Variants in TSPAN18 observed in about 807,000 individuals in gnomAD.
TSPAN18 encodes the protein tetraspanin 18.
Under a neutral mutation model 27.3 loss-of-function variants are expected in TSPAN18, and 14 were observed. The ratio of observed to expected loss-of-function variants is 0.51; its 90% CI spans 0.34 to 0.80. TSPAN18 has a LOEUF of 0.80. Among genes scored for constraint, TSPAN18 ranks in the 30% least tolerant of loss-of-function variants. TSPAN18 has a pLI of 0.01. For missense variants in TSPAN18, 268 were observed against 323.9 expected (o/e 0.83, Z 1.32); for synonymous variants, 143 against 136.5 (o/e 1.05, Z -0.33).
Position 44,890,284 on chromosome 11 carries a change from A to G in TSPAN18, c.-10-16123A>G, listed in dbSNP as rs867037370. Among the ~76,000 whole-genome samples, 3 of 152,206 alleles carry G rather than the reference A, an allele frequency of 2.0e-5. No individual in the cohort carries two copies. The East Asian group carries it at 5.8e-4, about 29-fold the overall frequency. ...GGGATTGGTGAACTTTGAGAAACAT[A>G]TTATAACTTCACTTTAACGTTTCAC... On this transcript the variant is annotated intron_variant, in intron 3 of 9. Transcript: ENST00000520358.
chr11:44,908,817 A>AAG (rs1168002530), intron 4 of TSPAN18, among the ~76,000 whole-genome samples: 2 of 117,754 alleles, frequency 1.7e-5, no homozygotes, highest in African/African-American at 6.9e-5. Flanking sequence ...GAAAGAAAGA[A>AAG]AGAAAGAAAG....
chr11:44,760,548 A>C (rs1855430614), intron 1 of TSPAN18, among the ~76,000 whole-genome samples: 1 of 152,222 alleles, frequency 6.6e-6, no homozygotes, highest in Non-Finnish European at 1.5e-5. Context: ...TTCAATTAAA[A>C]CAGTAACAGT....
In TSPAN18 at chr11:44,802,883, T is replaced by C. The variant is rs73450676; in HGVS notation, c.-153+38371T>C. ...ATTATTGTTGTTCAGAGTATTGCTC[T>C]GATTTTAACATTGAGCTGCTCTGAT... On this transcript the variant is annotated intron_variant, in intron 2 of 9. Transcript: ENST00000520358. Among the ~76,000 whole-genome samples the C allele has an allele frequency of 4.5e-3, 687 of 152,342 alleles. 3 individuals carry two copies. The highest frequency in any genetic ancestry group is 0.016 in the African/African-American group (653 of 41,578).
chr11:44,924,474 AC>A, intron 8 of TSPAN18, among the ~76,000 whole-genome samples: 1 of 151,736 alleles, frequency 6.6e-6, no homozygotes, highest in African/African-American at 2.4e-5. Flanking sequence ...GCCAGATACC[AC>A]TCTCCTGGGC....
chr11:44,925,029 CCTGGCCTGGG>C (rs1860299672), intron 8 of TSPAN18, among the ~76,000 whole-genome samples: 1 of 152,250 alleles, frequency 6.6e-6, no homozygotes, highest in Non-Finnish European at 1.5e-5. Context: ...CCTGGCCTGG[CCTGGCCTGGG>C]GTAGGAACCC....
chr11:44,741,902 C>G (rs1854945210), intron 1 of TSPAN18, among the ~76,000 whole-genome samples: 1 of 152,126 alleles, frequency 6.6e-6, no homozygotes, highest in Admixed American at 6.5e-5. Context: ...TCTCCTTCCT[C>G]TCCTCTCTCT....
At chr11:44,791,550 G>A (rs767630486) in intron 2 of TSPAN18, among the ~76,000 whole-genome samples, 3 of 152,112 alleles carry the variant, frequency 2.0e-5, no homozygotes, top group Admixed American at 6.5e-5. Flanking sequence ...CACCCACCCC[G>A]CCTCCTTCTC....
intron 4 of TSPAN18, among the ~76,000 whole-genome samples, chr11:44,906,829 C>T (rs1268809113): frequency 6.6e-6 from 1 of 152,198 alleles, no homozygotes; most frequent in Non-Finnish European, 1.5e-5. Flanking sequence ...GGGAGCCCCA[C>T]CCAACCTTAT....
chr11:44,888,772 C>G (rs1042099478), intron 3 of TSPAN18, among the ~76,000 whole-genome samples: 3 of 152,182 alleles, frequency 2.0e-5, no homozygotes, highest in African/African-American at 7.2e-5. Context: ...TGGCTCAGCT[C>G]CCTGTCCAGG....
intron 2 of TSPAN18, among the ~76,000 whole-genome samples, chr11:44,801,281 C>G (rs1211120585): frequency 6.6e-6 from 1 of 152,206 alleles, no homozygotes; most frequent in African/African-American, 2.4e-5. Context: ...TTCAGAAAGA[C>G]TTTTGCAGAA....
chr11:44,742,402 TTCCCTCCCTTCCTTCC>T (rs1036739854), intron 1 of TSPAN18, among the ~76,000 whole-genome samples: 13 of 148,262 alleles, frequency 8.8e-5, no homozygotes, highest in African/African-American at 3.3e-4. Flanking sequence ...TCTTCGTTCC[TTCCCTCCCTTCCTTCC>T]TCCCTCCCTT....
intron 1 of TSPAN18, among the ~76,000 whole-genome samples, chr11:44,732,170 A>G (rs1854677519): frequency 6.6e-6 from 1 of 152,180 alleles, no homozygotes; most frequent in South Asian, 2.1e-4. Context: ...AGCCTCTTCC[A>G]GCGGCTTGGG....
chr11:44,785,291 A>G (rs1856028600), intron 2 of TSPAN18, among the ~76,000 whole-genome samples: 1 of 152,092 alleles, frequency 6.6e-6, no homozygotes, highest in Admixed American at 6.5e-5. Flanking sequence ...CAGATTTTCC[A>G]TGTATTCCCT....
chr11:44,858,966 C>G (rs1416681457), intron 2 of TSPAN18, among the ~76,000 whole-genome samples: 1 of 152,156 alleles, frequency 6.6e-6, no homozygotes, highest in East Asian at 1.9e-4. Flanking sequence ...GGGAATGCAC[C>G]CTCCCCCCGC....
At chr11:44,834,555 A>C (rs1388784182) in intron 2 of TSPAN18, among the ~76,000 whole-genome samples, 1 of 152,138 alleles carries the variant, frequency 6.6e-6, no homozygotes, top group Admixed American at 6.5e-5. Flanking sequence ...GCATTTCCCC[A>C]GCACCCTTTC....
Position 44,906,373 on chromosome 11 carries a change from C to T in TSPAN18, c.-10-34C>T, listed in dbSNP as rs753041169. On this transcript the variant is annotated intron_variant, in intron 3 of 9. Transcript: ENST00000520358. Reference sequence around the variant, plus strand: ...GGGGTTCTTCCTGGGTGGGGTCCCCCATCGGGAAGACTGAGGTGGCCTTGT... The same window carrying T: ...GGGGTTCTTCCTGGGTGGGGTCCCCTATCGGGAAGACTGAGGTGGCCTTGT... The T allele has an allele frequency of 5.0e-6, 8 of 1,607,806 alleles. No homozygotes were observed. The East Asian group carries it at 1.6e-4, about 31-fold the overall frequency.
chr11:44,898,293 C>G (rs1859137562), intron 3 of TSPAN18, among the ~76,000 whole-genome samples: 2 of 152,170 alleles, frequency 1.3e-5, no homozygotes, highest in East Asian at 3.9e-4. Flanking sequence ...GCTCCTTTTC[C>G]CTCTCTCGGC....
rs759703492 is a variant in TSPAN18, at chr11:44,909,881, CAAGT to C, written c.241_244del (p.Lys81ValfsTer11). Reference sequence around the variant, plus strand: ...GCTGCTGCGGGGCCGTCCGTGAGAACAAGTGTCTGCTGCTATTTGTGAGTACCCC... The same window carrying C: ...GCTGCTGCGGGGCCGTCCGTGAGAACGTCTGCTGCTATTTGTGAGTACCCC... On this transcript the variant is annotated frameshift_variant, in exon 5 of 10. Coordinates refer to ENST00000520358, the MANE Select transcript of TSPAN18 (RefSeq NM_130783.5). LOFTEE classifies it high-confidence loss of function. 1 of 1,613,098 alleles carries C rather than the reference CAAGT, an allele frequency of 6.2e-7. No homozygotes were observed. Among genetic ancestry groups the C allele is most frequent in the Non-Finnish European group, 8.5e-7 (1 of 1,179,458 alleles).
At chr11:44,871,783 A>C (rs1858202855) in intron 3 of TSPAN18, among the ~76,000 whole-genome samples, 1 of 152,218 alleles carries the variant, frequency 6.6e-6, no homozygotes, top group Admixed American at 6.5e-5. Flanking sequence ...TCATGCCTGC[A>C]CACCTGCCTC....
Sources: gnomAD v4.1 joint callset for allele counts (sites outside exome capture counted in the v4.1 genomes callset) on GRCh38, gnomAD v4.1.1 for gene constraint, MANE v1.5 for transcripts, NCBI Gene and HGNC (gene_info 2026-07-23, HGNC 2026-07-21) for gene names.